The following LRRTM3 variants were observed in gnomAD, a reference collection of about 807,000 sequenced individuals.
LRRTM3 encodes leucine-rich repeat transmembrane neuronal protein 3.
LRRTM3 carries 24 observed loss-of-function variants against 44.7 expected under a neutral mutation model. The ratio of observed to expected loss-of-function variants is 0.54; its 90% CI spans 0.39 to 0.76. LRRTM3 has a LOEUF of 0.76. Ranked by LOEUF, LRRTM3 falls within the 30% of genes least tolerant of loss-of-function variation. The pLI is 0.00. For missense variants in LRRTM3, 587 were observed against 702.2 expected (o/e 0.84, Z 1.85); for synonymous variants, 277 against 278.7 (o/e 0.99, Z 0.06).
chr10:66,986,668 T>C (rs756468015), intron 2 of LRRTM3, among the ~76,000 whole-genome samples: 1 of 152,150 alleles, frequency 6.6e-6, no homozygotes, highest in Admixed American at 6.5e-5. Flanking sequence ...TATAGTCAAC[T>C]ATACCTTGTA....
At chr10:67,003,871 A>T (rs1851818570) in intron 2 of LRRTM3, among the ~76,000 whole-genome samples, 1 of 152,174 alleles carries the variant, frequency 6.6e-6, no homozygotes, top group Non-Finnish European at 1.5e-5. Flanking sequence ...GCATCAGCCA[A>T]AGTGCAGCAT....
chr10:67,032,116 G>T (rs997627786), intron 2 of LRRTM3, among the ~76,000 whole-genome samples: 1 of 152,000 alleles, frequency 6.6e-6, no homozygotes, highest in Non-Finnish European at 1.5e-5. Context: ...TTTCCCACAA[G>T]GTTTGTTTCC....
Position 66,984,201 on chromosome 10 carries a change from A to T in LRRTM3, c.1536+55749A>T, listed in dbSNP as rs557851759. 7.9e-4 allele frequency among the ~76,000 whole-genome samples: 121 copies of T among 152,328 alleles called. No individual in the cohort carries two copies. The Middle Eastern group carries it at 0.014, about 17-fold the overall frequency. ...GACAATGTATTTACCAGAAATGAAA[A>T]TATTTCAACGAATGATGACGTTCTT... On this transcript the variant is annotated intron_variant, in intron 2 of 2. Coordinates refer to ENST00000361320, the MANE Select transcript of LRRTM3 (RefSeq NM_178011.5).
intron 2 of LRRTM3, among the ~76,000 whole-genome samples, chr10:67,035,110 A>T (rs1853967373): frequency 1.3e-5 from 2 of 152,240 alleles, no homozygotes; most frequent in South Asian, 4.1e-4. Context: ...GTATTGAATT[A>T]TCTGTGCATA....
chr10:66,926,293 C>CA lies in LRRTM3; in HGVS notation c.-285dup, dbSNP rs57611407. On this transcript the variant is annotated 5_prime_UTR_variant, in exon 1 of 3. Transcript: ENST00000361320. ...TTTTAACCGCCCCCTCCCCACCCCC[C>CA]AAAAAACTGTAAAGATGCAAAAACG... 6,583 of 524,420 alleles carry CA rather than the reference C, an allele frequency of 0.013. 178 individuals carry two copies. Among genetic ancestry groups the CA allele is most frequent in the African/African-American group, 0.076 (3,864 of 50,668 alleles). The allele number at this position is 524,420 out of a possible 1,614,324, so 32.5% of individuals were successfully genotyped here. A position where few individuals can be genotyped will look rare whatever the true frequency, so the allele number is the denominator to read the frequency against.
At chr10:67,094,899 A>G (rs763758315) in intron 2 of LRRTM3, among the ~76,000 whole-genome samples, 52 of 151,806 alleles carry the variant, frequency 3.4e-4, no homozygotes, top group Non-Finnish European at 6.2e-4. Flanking sequence ...TGAATCTTAT[A>G]TAGATGTCAT....
chr10:67,048,490 A>G (rs1335086929), intron 2 of LRRTM3, among the ~76,000 whole-genome samples: 1 of 152,142 alleles, frequency 6.6e-6, no homozygotes, highest in African/African-American at 2.4e-5. Context: ...GCAAAATAGG[A>G]ATACAGGAAA....
chr10:67,026,190 A>G (rs1300920684), intron 2 of LRRTM3, among the ~76,000 whole-genome samples: 1 of 151,670 alleles, frequency 6.6e-6, no homozygotes, highest in Non-Finnish European at 1.5e-5. Flanking sequence ...GCACACCAGC[A>G]TGGCACATGT....
At chr10:67,076,757 T>C (rs1856770120) in intron 2 of LRRTM3, among the ~76,000 whole-genome samples, 1 of 152,110 alleles carries the variant, frequency 6.6e-6, no homozygotes, top group Admixed American at 6.6e-5. Flanking sequence ...TACTACAACA[T>C]AAACTAAGAG....
At chr10:67,062,549 G>A (rs1855821521) in intron 2 of LRRTM3, among the ~76,000 whole-genome samples, 1 of 151,556 alleles carries the variant, frequency 6.6e-6, no homozygotes, top group Non-Finnish European at 1.5e-5. Context: ...GTGTAGATAT[G>A]GGGCATTAAG....
chr10:66,944,681 G>A (rs1325818544), intron 2 of LRRTM3, among the ~76,000 whole-genome samples: 1 of 152,068 alleles, frequency 6.6e-6, no homozygotes, highest in Non-Finnish European at 1.5e-5. Context: ...TCCATCAAAG[G>A]AATTATCATC....
intron 2 of LRRTM3, among the ~76,000 whole-genome samples, chr10:66,995,961 T>C (rs1426617085): frequency 6.6e-6 from 1 of 152,236 alleles, no homozygotes; most frequent in Non-Finnish European, 1.5e-5. Flanking sequence ...TTGTATCCTA[T>C]AAACATAAAT....
intron 2 of LRRTM3, among the ~76,000 whole-genome samples, chr10:67,043,401 A>C (rs1387613820): frequency 1.3e-5 from 2 of 152,084 alleles, no homozygotes; most frequent in Admixed American, 1.3e-4. Context: ...ATGCTACTGA[A>C]ACCCTTTATT....
chr10:67,028,250 T>G (rs1023792587), intron 2 of LRRTM3, among the ~76,000 whole-genome samples: 1 of 152,158 alleles, frequency 6.6e-6, no homozygotes, highest in African/African-American at 2.4e-5. Flanking sequence ...TTTGTTGTTG[T>G]TGTTATTTTG....
rs150833588 is a variant in LRRTM3 at position 67,027,602 on chromosome 10, C to T, written c.1537-69985C>T. On this transcript the variant is annotated intron_variant, in intron 2 of 2. Transcript: ENST00000361320. ...CATGTGCGCCACCATGCCCAGCTAA[C>T]TTTTTTGTATTTTTAGTAGAGACAG... Among the ~76,000 whole-genome samples, 876 of 151,758 alleles carry T rather than the reference C, an allele frequency of 5.8e-3. 9 individuals are homozygous for T. Among genetic ancestry groups the T allele is most frequent in the African/African-American group, 0.02 (833 of 41,420 alleles).
rs796501353 is a variant in LRRTM3, at chr10:67,097,516, A to C, written c.1537-71A>C. The C allele has an allele frequency of 3.6e-6, 5 of 1,371,246 alleles. No individual in the cohort carries two copies. The African/African-American group carries it at 4.3e-5, about 12-fold the overall frequency. The allele number at this position is 1,371,246 out of a possible 1,614,324, so 84.9% of individuals were successfully genotyped here. On this transcript the variant is annotated intron_variant, in intron 2 of 2. Coordinates refer to ENST00000361320, the MANE Select transcript of LRRTM3 (RefSeq NM_178011.5). ...TGGAGGTTAGTCAGGTCAGCACTTC[A>C]GTCTCTAAATCTTTCCCCTAAAGTT...
At chr10:66,983,394 T>A (rs939371472) in intron 2 of LRRTM3, among the ~76,000 whole-genome samples, 4 of 152,132 alleles carry the variant, frequency 2.6e-5, no homozygotes, top group African/African-American at 9.7e-5. Context: ...GTTTAGGCAC[T>A]AGTGAGTTTT....
chr10:66,985,947 C>T (rs987655270), intron 2 of LRRTM3, among the ~76,000 whole-genome samples: 3 of 152,016 alleles, frequency 2.0e-5, no homozygotes, highest in Non-Finnish European at 4.4e-5. Context: ...AGGATGGTCT[C>T]GATCTCCTGA....
At chr10:67,052,833 C>CTTT (rs1303847867) in intron 2 of LRRTM3, 37 of 151,550 alleles carry the variant, frequency 2.4e-4, no homozygotes, top group Admixed American at 2.3e-3. Context: ...TGAATGAAAA[C>CTTT]AAAAAACAAA....
Sources: allele counts gnomAD v4.1 joint callset (sites outside exome capture counted in the v4.1 genomes callset), GRCh38; gene constraint gnomAD v4.1.1; transcripts MANE v1.5; gene names NCBI Gene and HGNC (gene_info 2026-07-23, HGNC 2026-07-21).